CREBBP: variants seen among roughly 807,000 people sequenced by gnomAD.
The protein encoded by CREBBP is CREB binding lysine acetyltransferase.
CREBBP carries 19 observed loss-of-function variants against 265.0 expected under a neutral mutation model. That is an observed-to-expected ratio of 0.07 (90% CI 0.05 to 0.11). CREBBP has a LOEUF of 0.11. Ranked by LOEUF, CREBBP falls within the 10% of genes least tolerant of loss-of-function variation. The pLI, the probability that CREBBP is intolerant of heterozygous loss-of-function variation, is 1.00. For synonymous variants in CREBBP, 1,457 were observed against 1,223.7 expected (o/e 1.19, Z -3.98); for missense variants, 2,525 against 3,219.0 (o/e 0.78, Z 5.22).
At chr16:3,877,062 A>C (rs2530888) in intron 1 of CREBBP, among the ~76,000 whole-genome samples, 144,244 of 152,212 alleles carry the variant, frequency 0.95, 68,807 homozygotes, top group Middle Eastern at 1. Flanking sequence ...GTCCAAGTAG[A>C]TCCTGTTTCT....
intron 19 of CREBBP, among the ~76,000 whole-genome samples, chr16:3,755,959 T>G (rs546734676): frequency 7.2e-4 from 109 of 152,258 alleles, no homozygotes; most frequent in African/African-American, 2.6e-3. Flanking sequence ...GAGACATTTT[T>G]GTGTCAAAAG....
chr16:3,812,613 T>G (rs2053960232), intron 2 of CREBBP, among the ~76,000 whole-genome samples: 1 of 151,860 alleles, frequency 6.6e-6, no homozygotes, highest in South Asian at 2.1e-4. Flanking sequence ...CTGGAATTCC[T>G]TCCATCAACA....
chr16:3,849,737 T>C (rs183135886), intron 2 of CREBBP, among the ~76,000 whole-genome samples: 88 of 151,868 alleles, frequency 5.8e-4, no homozygotes, highest in African/African-American at 2.0e-3. Flanking sequence ...GAAGTCTGCA[T>C]TTCTAACAAG....
In CREBBP at chr16:3,731,416, C is replaced by T. The variant is rs776549587; in HGVS notation, c.4948G>A (p.Val1650Ile). 7.4e-5 allele frequency: 119 copies of T among 1,604,572 alleles called. No homozygotes were observed. Among genetic ancestry groups the T allele is most frequent in the Non-Finnish European group, 9.6e-5 (113 of 1,176,390 alleles). ...GPVINTLPPIVDPDPLLSCDL... is the reference protein window; with the variant it reads ...GPVINTLPPIIDPDPLLSCDL... ...CAGCTGAGCAGGGGGTCGGGGTCGA[C>T]GATGGGGGGCAGGGTGTTGATGACA... Residue 1650 changes from valine to isoleucine, a missense_variant, in exon 30 of 31, where the codon GTC (valine) becomes ATC (isoleucine). Transcript: ENST00000262367. This position sits in a 1 kb window ranked among gnomAD's most constrained non-coding sequence, Gnocchi z 7.7.
At chr16:3,772,699 T>C (rs181203159) in intron 13 of CREBBP, among the ~76,000 whole-genome samples, 2 of 152,206 alleles carry the variant, frequency 1.3e-5, no homozygotes, top group East Asian at 1.9e-4. Context: ...TGAAATGTTA[T>C]GGAAAGTTAA....
intron 14 of CREBBP, 106 bp from the exon 15 acceptor site, chr16:3,769,459 C>T (rs1367895090): frequency 8.6e-6 from 12 of 1,387,690 alleles, no homozygotes; most frequent in East Asian, 2.3e-5. Context: ...TTTCTCAATA[C>T]TGATCCAGCA....
At chr16:3,878,380 A>T (rs2055446926) in intron 1 of CREBBP, among the ~76,000 whole-genome samples, 1 of 152,246 alleles carries the variant, frequency 6.6e-6, no homozygotes. Flanking sequence ...TAAAAAGAAA[A>T]GCATTAGTGA....
At chr16:3,742,729 CTG>C (rs1465387565) in intron 23 of CREBBP, 1 of 152,112 alleles carries the variant, frequency 6.6e-6, no homozygotes, top group Non-Finnish European at 1.5e-5. Flanking sequence ...TACCTTTACT[CTG>C]TGATCAGACA....
In CREBBP at chr16:3,726,265, GGAA is replaced by G; in HGVS notation, c.*1450_*1452del. 2 of 233,290 alleles carry G rather than the reference GGAA, an allele frequency of 8.6e-6. No individual in the cohort carries two copies. Among genetic ancestry groups the G allele is most frequent in the Admixed American group, 1.1e-4 (2 of 17,794 alleles). The allele number at this position is 233,290 out of a possible 1,614,324, so 14.5% of individuals were successfully genotyped here. A position where few individuals can be genotyped will look rare whatever the true frequency, so the allele number is the denominator to read the frequency against. Reference sequence around the variant, plus strand: ...GGGGGGGGGGAGCCGCCTGAACACGGGAAGAAGCGCCGCCTCTGGGGGTGGCAG... The same window carrying G: ...GGGGGGGGGGAGCCGCCTGAACACGGGAAGCGCCGCCTCTGGGGGTGGCAG... On this transcript the variant is annotated 3_prime_UTR_variant, in exon 31 of 31. Transcript: ENST00000262367.
chr16:3,823,109 C>T (rs1042168889), intron 2 of CREBBP, among the ~76,000 whole-genome samples: 2 of 152,150 alleles, frequency 1.3e-5, no homozygotes, highest in African/African-American at 2.4e-5. Flanking sequence ...GGACAGAACA[C>T]CAAAATATTT....
intron 13 of CREBBP, chr16:3,773,492 A>C: frequency 2.0e-6 from 1 of 504,612 alleles, no homozygotes; most frequent in Non-Finnish European, 3.5e-6. Flanking sequence ...CAAAGATCAA[A>C]ACACAAAAGC....
chr16:3,804,249 T>TA (rs1309094713), intron 3 of CREBBP, among the ~76,000 whole-genome samples: 2 of 152,160 alleles, frequency 1.3e-5, no homozygotes, highest in African/African-American at 4.8e-5. Context: ...ACTAAAAACT[T>TA]AAAGTTTTTA....
chr16:3,832,732 C>T (rs146163003), intron 2 of CREBBP, among the ~76,000 whole-genome samples: 3 of 152,234 alleles, frequency 2.0e-5, no homozygotes, highest in East Asian at 1.9e-4. Context: ...GACCAAAATT[C>T]GTTATGTAGC....
intron 11 of CREBBP, among the ~76,000 whole-genome samples, chr16:3,776,514 C>A (rs1463504956): frequency 1.3e-5 from 2 of 152,196 alleles, no homozygotes; most frequent in African/African-American, 4.8e-5. Context: ...AAGTTGACAT[C>A]CAGCCAGCTG....
chr16:3,803,928 C>A (rs2053776673), intron 3 of CREBBP, among the ~76,000 whole-genome samples: 2 of 151,870 alleles, frequency 1.3e-5, no homozygotes, highest in African/African-American at 4.8e-5. Context: ...AAAAAAAATA[C>A]AAAAAATTTG....
chr16:3,760,654 C>T (rs1431477172), intron 16 of CREBBP, among the ~76,000 whole-genome samples: 1 of 151,950 alleles, frequency 6.6e-6, no homozygotes, highest in South Asian at 2.1e-4. Flanking sequence ...TCTACCCGCC[C>T]TGGCCTTCCA....
At chr16:3,784,170 T>C (rs2053336704) in intron 5 of CREBBP, among the ~76,000 whole-genome samples, 1 of 152,148 alleles carries the variant, frequency 6.6e-6, no homozygotes, top group African/African-American at 2.4e-5. Context: ...TCCCAACCAC[T>C]ATGTGTAACA....
chr16:3,765,440 T>C (rs543750274), intron 16 of CREBBP, among the ~76,000 whole-genome samples: 20 of 152,332 alleles, frequency 1.3e-4, no homozygotes, highest in African/African-American at 4.8e-4. Context: ...GTGGAGCACA[T>C]TAAAACTTTC....
At chr16:3,772,274 C>T (rs1238379529) in intron 13 of CREBBP, among the ~76,000 whole-genome samples, 4 of 150,158 alleles carry the variant, frequency 2.7e-5, no homozygotes, top group African/African-American at 7.4e-5. Context: ...TATATACATC[C>T]ATAAGTACCC....
Sources: allele counts gnomAD v4.1 joint callset (sites outside exome capture counted in the v4.1 genomes callset), GRCh38; gene constraint gnomAD v4.1.1; non-coding constraint Gnocchi (gnomAD v3.1); transcripts MANE v1.5; gene names NCBI Gene and HGNC (gene_info 2026-07-23, HGNC 2026-07-21).